GNAQ: variants seen among roughly 807,000 people sequenced by gnomAD.
GNAQ encodes G protein subunit alpha q.
GNAQ carries 8 observed loss-of-function variants against 43.9 expected under a neutral mutation model. The observed-to-expected ratio is 0.18, with a 90% CI of 0.11 to 0.33. The LOEUF (loss-of-function observed/expected upper bound fraction) is 0.33. GNAQ is among the 10% of genes least tolerant of loss of function. The pLI is 1.00. For missense variants in GNAQ, 158 were observed against 450.8 expected (o/e 0.35, Z 5.88); for synonymous variants, 155 against 170.7 (o/e 0.91, Z 0.71).
intron 2 of GNAQ, among the ~76,000 whole-genome samples, chr9:77,833,717 C>T (rs1280088124): frequency 1.3e-5 from 2 of 152,194 alleles, no homozygotes; most frequent in Non-Finnish European, 2.9e-5. Context: ...AAGCATGCTC[C>T]ACTTCCTCTC....
intron 1 of GNAQ, among the ~76,000 whole-genome samples, chr9:77,934,633 CA>C (rs1829205260): frequency 6.6e-6 from 1 of 152,100 alleles, no homozygotes; most frequent in South Asian, 2.1e-4. Context: ...CCAGTAATTT[CA>C]AATAATGACA....
At chr9:77,824,676 A>G (rs1422281415) in intron 2 of GNAQ, among the ~76,000 whole-genome samples, 1 of 152,200 alleles carries the variant, frequency 6.6e-6, no homozygotes, top group Non-Finnish European at 1.5e-5. Context: ...AAAATTTTTT[A>G]AAGAAGCAAA....
intron 2 of GNAQ, among the ~76,000 whole-genome samples, chr9:77,843,591 A>C (rs796287351): frequency 8.5e-5 from 13 of 152,260 alleles, no homozygotes; most frequent in African/African-American, 2.9e-4. Flanking sequence ...GACCCCTTGG[A>C]TAGAGTAGTT....
chr9:77,752,676 T>G (rs1825829420), intron 5 of GNAQ, among the ~76,000 whole-genome samples: 1 of 152,232 alleles, frequency 6.6e-6, no homozygotes, highest in African/African-American at 2.4e-5. Context: ...CTGTGTCTGT[T>G]ATTACACCTC....
chr9:77,888,835 G>A (rs1220276319), intron 2 of GNAQ, among the ~76,000 whole-genome samples: 3 of 150,590 alleles, frequency 2.0e-5, no homozygotes, highest in Non-Finnish European at 4.4e-5. Flanking sequence ...AGTCCCTTGA[G>A]TGTCTGACGC....
At chr9:77,993,424 C>T (rs968126146) in intron 1 of GNAQ, among the ~76,000 whole-genome samples, 8 of 152,040 alleles carry the variant, frequency 5.3e-5, no homozygotes, top group South Asian at 2.1e-4. Flanking sequence ...ATAGGCCAGG[C>T]GCGGTGGCTC....
At chr9:77,732,918 G>C (rs913669646) in intron 5 of GNAQ, among the ~76,000 whole-genome samples, 1 of 152,170 alleles carries the variant, frequency 6.6e-6, no homozygotes, top group African/African-American at 2.4e-5. Flanking sequence ...CCACAGAGAA[G>C]GGAGGACCAA....
At chr9:77,980,375 C>T (rs1823354118) in intron 1 of GNAQ, among the ~76,000 whole-genome samples, 1 of 151,994 alleles carries the variant, frequency 6.6e-6, no homozygotes, top group Admixed American at 6.6e-5. Flanking sequence ...TACTCAGGTC[C>T]TAAGAAAATA....
Position 77,821,724 on chromosome 9 carries a change from G to GGGGTGTGTGT in GNAQ, c.322-5955_322-5954insACACACACCC, listed in dbSNP as rs201504418. Among the ~76,000 whole-genome samples the GGGGTGTGTGT allele has an allele frequency of 2.6e-3, 375 of 142,388 alleles. 1 individual carries two copies. Among genetic ancestry groups the GGGGTGTGTGT allele is most frequent in the African/African-American group, 7.2e-3 (274 of 37,812 alleles). The allele number at this position is 142,388 out of a possible 152,430, so 93.4% of individuals were successfully genotyped here. A position where few individuals can be genotyped will look rare whatever the true frequency, so the allele number is the denominator to read the frequency against. ...TATGATGTTGTACTATCCTAGTATG[G>GGGGTGTGTGT]GTGTGTGTGTGTGTGTGTGTGTGTG... On this transcript the variant is annotated intron_variant, in intron 2 of 6. Transcript: ENST00000286548.
chr9:77,851,936 T>A (rs1039957804), intron 2 of GNAQ, among the ~76,000 whole-genome samples: 22 of 152,148 alleles, frequency 1.4e-4, no homozygotes, highest in Non-Finnish European at 1.3e-4. Context: ...TAGCTTTAGG[T>A]AAAAATCAGC....
At chr9:77,762,364 G>C (rs1170696474) in intron 5 of GNAQ, among the ~76,000 whole-genome samples, 1 of 136,484 alleles carries the variant, frequency 7.3e-6, no homozygotes, top group African/African-American at 2.9e-5. Flanking sequence ...CTGCCCGGCC[G>C]CCCCTACTGG....
intron 2 of GNAQ, among the ~76,000 whole-genome samples, chr9:77,915,833 A>C (rs1008485203): frequency 6.6e-6 from 1 of 152,212 alleles, no homozygotes; most frequent in African/African-American, 2.4e-5. Flanking sequence ...GCTTCTATGG[A>C]GAATCCATGT....
chr9:77,988,677 T>C (rs780787776), intron 1 of GNAQ, among the ~76,000 whole-genome samples: 4 of 152,126 alleles, frequency 2.6e-5, no homozygotes, highest in East Asian at 1.9e-4. Flanking sequence ...AAGTGACAAA[T>C]AAAGAATGGC....
intron 1 of GNAQ, among the ~76,000 whole-genome samples, chr9:77,938,338 A>G (rs1829263194): frequency 6.6e-6 from 1 of 152,160 alleles, no homozygotes; most frequent in Non-Finnish European, 1.5e-5. Context: ...TTCTCTATGT[A>G]ACACATGACA....
At chr9:77,797,193 C>T (rs984704822) in intron 4 of GNAQ, among the ~76,000 whole-genome samples, 7 of 151,964 alleles carry the variant, frequency 4.6e-5, no homozygotes, top group Non-Finnish European at 8.8e-5. Flanking sequence ...CCAGCATGCC[C>T]GGCTAATTTT....
chr9:77,761,281 T>G (rs1587903478), intron 5 of GNAQ, among the ~76,000 whole-genome samples: 11 of 87,524 alleles, frequency 1.3e-4, no homozygotes, highest in Admixed American at 2.6e-4. Context: ...GGTGGGGGGG[T>G]CAGCCCCCCG....
At chr9:77,725,687 TG>T (rs2118206807) in intron 6 of GNAQ, among the ~76,000 whole-genome samples, 2 of 151,378 alleles carry the variant, frequency 1.3e-5, no homozygotes, top group South Asian at 4.2e-4. Context: ...GGGAAATTAT[TG>T]GAGAAAGGAG....
intron 2 of GNAQ, among the ~76,000 whole-genome samples, chr9:77,890,021 C>T (rs974921251): frequency 1.3e-5 from 2 of 152,194 alleles, no homozygotes; most frequent in African/African-American, 2.4e-5. Flanking sequence ...TTTATCTACT[C>T]GCTTACAAAA....
At chr9:77,956,441 G>A (rs931275563) in intron 1 of GNAQ, among the ~76,000 whole-genome samples, 4 of 152,130 alleles carry the variant, frequency 2.6e-5, no homozygotes, top group African/African-American at 7.2e-5. Context: ...GAAGAGCTAG[G>A]AAAATGGCTT....
Sources: gnomAD v4.1 joint callset for allele counts (sites outside exome capture counted in the v4.1 genomes callset) on GRCh38, gnomAD v4.1.1 for gene constraint, MANE v1.5 for transcripts, NCBI Gene and HGNC (gene_info 2026-07-23, HGNC 2026-07-21) for gene names.